Variants in TECRL observed in about 807,000 individuals in gnomAD.
TECRL encodes the protein trans-2,3-enoyl-CoA reductase-like.
In TECRL, 63 loss-of-function variants were observed where a neutral mutation model predicts 52.8. The ratio of observed to expected loss-of-function variants is 1.19; its 90% CI spans 0.97 to 1.47. The LOEUF (loss-of-function observed/expected upper bound fraction) is 1.47, where lower values mean the gene tolerates loss of function less well. Among genes scored for constraint, TECRL ranks in the 40% most tolerant of loss-of-function variants. The pLI is 0.00. For missense variants in TECRL, 482 were observed against 429.6 expected, an observed-to-expected ratio of 1.12 and a Z score of -1.08; for synonymous variants, 164 against 141.9, an observed-to-expected ratio of 1.16 and a Z score of -1.10.
intron 9 of TECRL, among the ~76,000 whole-genome samples, chr4:64,284,924 T>C (rs1446546651): frequency 6.6e-6 from 1 of 152,052 alleles, no homozygotes; most frequent in Non-Finnish European, 1.5e-5. Context: ...AGGAAAGATA[T>C]TGTAACACCA....
intron 2 of TECRL, among the ~76,000 whole-genome samples, chr4:64,336,100 T>C (rs904630860): frequency 5.3e-5 from 8 of 152,148 alleles, no homozygotes; most frequent in Admixed American, 1.3e-4. Context: ...CCAGCTCCTC[T>C]TTGTACCTCT....
intron 2 of TECRL, among the ~76,000 whole-genome samples, chr4:64,343,107 G>T (rs1193702186): frequency 6.6e-6 from 1 of 152,052 alleles, no homozygotes; most frequent in Non-Finnish European, 1.5e-5. Context: ...AATAAAGGGT[G>T]ATGAAAATGT....
At chr4:64,321,748 T>G (rs998874349) in intron 4 of TECRL, among the ~76,000 whole-genome samples, 25 of 152,308 alleles carry the variant, frequency 1.6e-4, no homozygotes, top group Admixed American at 1.2e-3. Context: ...TCTAATGCCA[T>G]TTTCAAATAC....
intron 2 of TECRL, among the ~76,000 whole-genome samples, chr4:64,345,075 G>T (rs1336380349): frequency 6.6e-6 from 1 of 152,212 alleles, no homozygotes; most frequent in Non-Finnish European, 1.5e-5. Flanking sequence ...TGGAGAGGAT[G>T]TGGAGAAATA....
chr4:64,398,097 G>C lies in TECRL; in HGVS notation c.234+11021C>G. Among the ~76,000 whole-genome samples the C allele has an allele frequency of 1.3e-5, 2 of 151,786 alleles. 1 individual carries two copies. Among genetic ancestry groups the C allele is most frequent in the East Asian group, 3.9e-4 (2 of 5,176 alleles). On this transcript the variant is annotated intron_variant, in intron 1 of 11. Transcript: ENST00000381210. The stretch of plus-strand genomic sequence containing the variant: ...ATTAAACATTATTTTATAGTAGTTT[G>C]ATACATTTAATGGATGTGAGAATTT...
At chr4:64,399,370 C>G (rs1483794821) in intron 1 of TECRL, among the ~76,000 whole-genome samples, 4 of 152,122 alleles carry the variant, frequency 2.6e-5, no homozygotes, top group African/African-American at 7.2e-5. Context: ...AAAAATGTAG[C>G]CTGGCCACAC....
At chr4:64,313,977 C>CA (rs752037972) in intron 5 of TECRL, among the ~76,000 whole-genome samples, 5,931 of 61,876 alleles carry the variant, frequency 0.096, 184 homozygotes, top group South Asian at 0.15. Flanking sequence ...ACTAAAAATA[C>CA]AAAAAAAAAA....
At chr4:64,403,733 A>T (rs1484669956) in intron 1 of TECRL, among the ~76,000 whole-genome samples, 1 of 151,742 alleles carries the variant, frequency 6.6e-6, no homozygotes, top group East Asian at 1.9e-4. Flanking sequence ...CTTTTGATTA[A>T]TTCTTATATC....
At chr4:64,378,598 T>A (rs1270064752) in intron 1 of TECRL, among the ~76,000 whole-genome samples, 7 of 152,124 alleles carry the variant, frequency 4.6e-5, no homozygotes, top group Non-Finnish European at 1.0e-4. Flanking sequence ...TAAGCAAATG[T>A]TATTTTACTA....
chr4:64,399,378 C>A (rs1724182449), intron 1 of TECRL, among the ~76,000 whole-genome samples: 1 of 152,036 alleles, frequency 6.6e-6, no homozygotes, highest in African/African-American at 2.4e-5. Context: ...AGCCTGGCCA[C>A]ACGGCATAGA....
intron 6 of TECRL, among the ~76,000 whole-genome samples, chr4:64,306,520 T>C (rs1724351065): frequency 6.6e-6 from 1 of 152,152 alleles, no homozygotes; most frequent in Non-Finnish European, 1.5e-5. Flanking sequence ...TTATATTCAA[T>C]GTTATGTATG....
downstream of TECRL, chr4:64,277,098 T>A: frequency 7.4e-7 from 1 of 1,359,478 alleles, no homozygotes; most frequent in Non-Finnish European, 1.0e-6. Flanking sequence ...ATTTCATAAT[T>A]AAGATATCCT....
intron 7 of TECRL, among the ~76,000 whole-genome samples, chr4:64,302,565 C>T (rs1170356649): frequency 2.0e-5 from 3 of 149,000 alleles, no homozygotes; most frequent in African/African-American, 7.3e-5. Context: ...AAAGATTAAA[C>T]AGGTAAAGTC....
At chr4:64,353,257 A>G (rs1720525471) in intron 2 of TECRL, among the ~76,000 whole-genome samples, 1 of 152,216 alleles carries the variant, frequency 6.6e-6, no homozygotes, top group South Asian at 2.1e-4. Flanking sequence ...AATTCAACAT[A>G]GTTAATACAC....
intron 9 of TECRL, among the ~76,000 whole-genome samples, chr4:64,283,766 G>C (rs1489925556): frequency 6.6e-6 from 1 of 152,068 alleles, no homozygotes; most frequent in Non-Finnish European, 1.5e-5. Context: ...AGTCAAGTTT[G>C]TTTACCACAA....
intron 5 of TECRL, among the ~76,000 whole-genome samples, chr4:64,313,476 C>CTTTTTTT (rs565143298): frequency 1.5e-5 from 1 of 66,318 alleles, no homozygotes; most frequent in Non-Finnish European, 2.8e-5. Context: ...TGCCTTACTC[C>CTTTTTTT]TTTTTTTTTT....
intron 3 of TECRL, among the ~76,000 whole-genome samples, chr4:64,325,948 T>C (rs1718232485): frequency 6.6e-6 from 1 of 152,100 alleles, no homozygotes. Context: ...CTTTCCATGA[T>C]TATGTCCCTT....
At chr4:64,328,621 G>A (rs1718421493) in intron 2 of TECRL, 65 bp from the exon 3 acceptor site, 2 of 1,374,066 alleles carry the variant, frequency 1.5e-6, no homozygotes, top group African/African-American at 1.4e-5. Flanking sequence ...AAAACTAACT[G>A]TTTCCATGGG....
At chr4:64,311,485 T>C (rs1214304570) in intron 5 of TECRL, among the ~76,000 whole-genome samples, 4 of 152,170 alleles carry the variant, frequency 2.6e-5, no homozygotes, top group Non-Finnish European at 5.9e-5. Flanking sequence ...CTTTTGTAGA[T>C]GTAGTTACAA....
Sources: allele counts gnomAD v4.1 joint callset (sites outside exome capture counted in the v4.1 genomes callset), GRCh38; gene constraint gnomAD v4.1.1; transcripts MANE v1.5; gene names NCBI Gene and HGNC (gene_info 2026-07-23, HGNC 2026-07-21).